SHISA9: variants seen among roughly 807,000 people sequenced by gnomAD.
SHISA9 encodes the protein shisa family member 9.
A neutral mutation model predicts 38.0 loss-of-function variants in SHISA9; 13 were observed. The observed-to-expected ratio is 0.34, with a 90% CI of 0.22 to 0.54. The LOEUF (loss-of-function observed/expected upper bound fraction) is 0.54. Among genes scored for constraint, SHISA9 ranks in the 20% least tolerant of loss-of-function variants. The pLI is 0.91. For synonymous variants in SHISA9, 275 were observed against 242.0 expected (o/e 1.14, Z -1.27); for missense variants, 538 against 575.8 (o/e 0.93, Z 0.67).
chr16:13,337,878 G>A, the SHISA9 span, among the ~76,000 whole-genome samples: 2 of 152,040 alleles, frequency 1.3e-5, no homozygotes, highest in South Asian at 4.2e-4. Flanking sequence ...AGATGTGCCT[G>A]CTTCCCCTTT....
the SHISA9 span, among the ~76,000 whole-genome samples, chr16:13,429,250 CA>C: frequency 9.2e-5 from 14 of 152,184 alleles, no homozygotes. Flanking sequence ...TCTACCATAA[CA>C]AAATACCACA....
At chr16:13,556,291 C>T in the SHISA9 span, among the ~76,000 whole-genome samples, 49,561 of 152,028 alleles carry the variant, frequency 0.33, 8,670 homozygotes, top group East Asian at 0.67. Flanking sequence ...ATATGACTTG[C>T]CCAAGTTCAT....
At chr16:13,437,135 C>A in the SHISA9 span, among the ~76,000 whole-genome samples, 2 of 152,190 alleles carry the variant, frequency 1.3e-5, no homozygotes, top group South Asian at 2.1e-4. Context: ...GGTGGGGACA[C>A]AACCAAACCA....
the SHISA9 span, among the ~76,000 whole-genome samples, chr16:13,274,633 G>A: frequency 6.6e-6 from 1 of 152,108 alleles, no homozygotes; most frequent in Non-Finnish European, 1.5e-5. Flanking sequence ...ACTGCTGGCT[G>A]ACCCTGAAAG....
the SHISA9 span, among the ~76,000 whole-genome samples, chr16:13,542,595 C>T: frequency 1.3e-5 from 2 of 152,006 alleles, no homozygotes; most frequent in African/African-American, 2.4e-5. Context: ...TAAGTATGCC[C>T]CCCCCTACTC....
At chr16:13,024,869 G>T (rs1365841402) in intron 2 of SHISA9, among the ~76,000 whole-genome samples, 1 of 152,082 alleles carries the variant, frequency 6.6e-6, no homozygotes, top group African/African-American at 2.4e-5. Flanking sequence ...ATCTCTGCTT[G>T]CATGAAAGTA....
the SHISA9 span, among the ~76,000 whole-genome samples, chr16:13,328,465 T>G: frequency 1.3e-5 from 2 of 151,098 alleles, no homozygotes; most frequent in African/African-American, 2.4e-5. Flanking sequence ...CAGGCTGGAA[T>G]GCAATGGCGT....
At chr16:12,970,822 C>T (rs889531569) in intron 2 of SHISA9, among the ~76,000 whole-genome samples, 11 of 151,918 alleles carry the variant, frequency 7.2e-5, no homozygotes, top group African/African-American at 2.7e-4. Flanking sequence ...CCGCGCCTGG[C>T]CGGGGCATAT....
intron 2 of SHISA9, among the ~76,000 whole-genome samples, chr16:12,961,184 C>G (rs1026432962): frequency 6.6e-6 from 1 of 152,090 alleles, no homozygotes; most frequent in Non-Finnish European, 1.5e-5. Flanking sequence ...GCAACCCAGG[C>G]AGAGGGAACT....
chr16:13,409,486 C>T, the SHISA9 span, among the ~76,000 whole-genome samples: 1 of 152,188 alleles, frequency 6.6e-6, no homozygotes, highest in Non-Finnish European at 1.5e-5. Flanking sequence ...TGCACCTGTC[C>T]CTCTGCATGC....
At chr16:13,192,229 G>T (rs1048431985) in intron 2 of SHISA9, among the ~76,000 whole-genome samples, 3 of 152,052 alleles carry the variant, frequency 2.0e-5, no homozygotes, top group African/African-American at 7.2e-5. Context: ...GCAAAAGGGA[G>T]GTGGATGGGA....
At chr16:13,287,067 A>G in the SHISA9 span, among the ~76,000 whole-genome samples, 26 of 152,174 alleles carry the variant, frequency 1.7e-4, no homozygotes, top group Admixed American at 7.9e-4. Flanking sequence ...ACCAAACACT[A>G]CTTCTACCAT....
At chr16:13,274,858 G>T in the SHISA9 span, among the ~76,000 whole-genome samples, 6 of 152,138 alleles carry the variant, frequency 3.9e-5, no homozygotes, top group Admixed American at 2.6e-4. Flanking sequence ...AAACACCTCA[G>T]CCAGTGCTGA....
At chr16:13,016,865 A>C (rs2072763822) in intron 2 of SHISA9, among the ~76,000 whole-genome samples, 1 of 152,218 alleles carries the variant, frequency 6.6e-6, no homozygotes, top group South Asian at 2.1e-4. Flanking sequence ...ATAGTCCCCA[A>C]GGAGGGCAAT....
the SHISA9 span, among the ~76,000 whole-genome samples, chr16:13,369,790 T>C: frequency 6.6e-6 from 1 of 152,138 alleles, no homozygotes; most frequent in Admixed American, 6.5e-5. Flanking sequence ...TGACAAACAC[T>C]GAGCTCACAG....
the SHISA9 span, among the ~76,000 whole-genome samples, chr16:13,321,648 A>G: frequency 6.6e-6 from 1 of 152,174 alleles, no homozygotes; most frequent in Non-Finnish European, 1.5e-5. Context: ...TGTGTTGCAT[A>G]TTGTACATGT....
intron 2 of SHISA9, among the ~76,000 whole-genome samples, chr16:13,121,778 A>G (rs915894403): frequency 6.6e-6 from 1 of 151,514 alleles, no homozygotes; most frequent in Admixed American, 6.6e-5. Context: ...TTCTTTTTAC[A>G]ATGAACACTA....
intron 2 of SHISA9, among the ~76,000 whole-genome samples, chr16:12,949,641 A>G (rs1056008533): frequency 6.6e-6 from 1 of 152,206 alleles, no homozygotes; most frequent in African/African-American, 2.4e-5. Flanking sequence ...AATTGCTTAC[A>G]TGTCTAATGT....
At chr16:13,188,544 C>T (rs1314104921) in intron 2 of SHISA9, among the ~76,000 whole-genome samples, 3 of 151,592 alleles carry the variant, frequency 2.0e-5, no homozygotes, top group Admixed American at 6.6e-5. Flanking sequence ...ACAGCAAGAC[C>T]CCGTCTCTAC....
Sources: allele counts gnomAD v4.1 joint callset (sites outside exome capture counted in the v4.1 genomes callset), GRCh38; gene constraint gnomAD v4.1.1; transcripts MANE v1.5; gene names NCBI Gene and HGNC (gene_info 2026-07-23, HGNC 2026-07-21).